GHR: variants seen among roughly 807,000 people sequenced by gnomAD.
GHR encodes growth hormone receptor.
Under a neutral mutation model 67.1 loss-of-function variants are expected in GHR, and 35 were observed. The ratio of observed to expected loss-of-function variants is 0.52; its 90% CI spans 0.40 to 0.69. The LOEUF is 0.69. Ranked by LOEUF, GHR falls within the 30% of genes least tolerant of loss-of-function variation. The pLI, the probability that GHR is intolerant of heterozygous loss-of-function variation, is 0.00. For missense variants in GHR, 792 were observed against 764.6 expected (o/e 1.04, Z -0.42); for synonymous variants, 272 against 269.1 (o/e 1.01, Z -0.10).
At position 42,695,082 on chromosome 5, in the gene GHR, T is replaced by A; in HGVS notation, c.432T>A (p.Asp144Glu). Residue 144 changes from aspartate to glutamate, a missense_variant, in exon 5 of 10, where the codon GAT becomes GAA. By Grantham distance (45) the Asp-to-Glu change is conservative (BLOSUM62 2). Transcript: ENST00000230882. ...TGGATGAAAAGTGTTTCTCTGTTGA[T>A]GAAATAGGTAAATCACAGGTTTTTG... ...GTVDEKCFSV[D>E]EIVQPDPPIA... 1 of 1,605,806 alleles carries A rather than the reference T, an allele frequency of 6.2e-7. No homozygotes were observed. The highest frequency in any genetic ancestry group is 8.5e-7 in the Non-Finnish European group (1 of 1,172,486).
chr5:42,671,753 G>A (rs1437104675), intron 3 of GHR, among the ~76,000 whole-genome samples: 15 of 151,454 alleles, frequency 9.9e-5, no homozygotes, highest in Non-Finnish European at 2.1e-4. Context: ...TCAGGAGATC[G>A]AGACCATCCC....
chr5:42,561,625 C>T (rs566336276), intron 1 of GHR, among the ~76,000 whole-genome samples: 33 of 152,270 alleles, frequency 2.2e-4, no homozygotes, highest in African/African-American at 7.7e-4. Context: ...AGCTGCATTA[C>T]GCTGGTTTTG....
intron 1 of GHR, among the ~76,000 whole-genome samples, chr5:42,436,044 T>C (rs778093096): frequency 1.3e-5 from 2 of 152,216 alleles, no homozygotes; most frequent in Non-Finnish European, 2.9e-5. Flanking sequence ...AATTTGATTT[T>C]GAATGTGTGC....
intron 1 of GHR, among the ~76,000 whole-genome samples, chr5:42,437,529 A>T (rs999685769): frequency 8.1e-5 from 12 of 147,948 alleles, no homozygotes; most frequent in African/African-American, 2.0e-4. Flanking sequence ...TATTATTTTT[A>T]TATTTATTTA....
intron 1 of GHR, among the ~76,000 whole-genome samples, chr5:42,512,595 CAT>C (rs754697183): frequency 1.3e-5 from 2 of 151,476 alleles, no homozygotes; most frequent in African/African-American, 2.4e-5. Flanking sequence ...AAGTGCCTGA[CAT>C]ATATATATAT....
intron 2 of GHR, among the ~76,000 whole-genome samples, chr5:42,567,075 G>T (rs975403901): frequency 6.6e-6 from 1 of 152,166 alleles, no homozygotes; most frequent in Non-Finnish European, 1.5e-5. Context: ...GGAGAGAATT[G>T]CAGGCTCCAT....
At chr5:42,452,535 A>G (rs1161037433) in intron 1 of GHR, among the ~76,000 whole-genome samples, 1 of 152,098 alleles carries the variant, frequency 6.6e-6, no homozygotes, top group Non-Finnish European at 1.5e-5. Context: ...AACACCATTT[A>G]TTCTTAGGTT....
intron 1 of GHR, among the ~76,000 whole-genome samples, chr5:42,543,939 T>G (rs892136535): frequency 3.3e-5 from 5 of 152,068 alleles, no homozygotes; most frequent in African/African-American, 7.2e-5. Context: ...AACCTAATAT[T>G]GCAGTGTTTG....
chr5:42,430,156 T>G (rs748126300), intron 1 of GHR, among the ~76,000 whole-genome samples: 3 of 152,216 alleles, frequency 2.0e-5, no homozygotes, highest in African/African-American at 7.2e-5. Context: ...CTGTTACTCT[T>G]AGCTTACCAA....
intron 1 of GHR, among the ~76,000 whole-genome samples, chr5:42,440,101 T>C (rs182480260): frequency 2.0e-5 from 3 of 152,326 alleles, no homozygotes; most frequent in African/African-American, 7.2e-5. Context: ...ATAAACACAC[T>C]AATTGATTCA....
At chr5:42,664,738 A>T (rs1755860183) in intron 3 of GHR, among the ~76,000 whole-genome samples, 1 of 152,360 alleles carries the variant, frequency 6.6e-6, no homozygotes, top group Non-Finnish European at 1.5e-5. Context: ...GCAAAAATTG[A>T]CAAATGGGGT....
chr5:42,635,794 C>T (rs1167849472), intron 3 of GHR, among the ~76,000 whole-genome samples: 4 of 152,122 alleles, frequency 2.6e-5, no homozygotes, highest in Non-Finnish European at 4.4e-5. Flanking sequence ...GAATGCAGGT[C>T]CCTTCTGGTT....
At chr5:42,654,877 C>T (rs1406758763) in intron 3 of GHR, among the ~76,000 whole-genome samples, 1 of 152,114 alleles carries the variant, frequency 6.6e-6, no homozygotes, top group Non-Finnish European at 1.5e-5. Context: ...TTTGTGCAGA[C>T]TATTGATTGC....
intron 1 of GHR, among the ~76,000 whole-genome samples, chr5:42,558,238 A>G (rs1017003427): frequency 6.6e-6 from 1 of 152,222 alleles, no homozygotes; most frequent in Non-Finnish European, 1.5e-5. Flanking sequence ...CTAAGTCTTT[A>G]GTGAATTTTT....
chr5:42,534,331 T>A (rs1748142729), intron 1 of GHR, among the ~76,000 whole-genome samples: 1 of 141,828 alleles, frequency 7.1e-6, no homozygotes, highest in Non-Finnish European at 1.5e-5. Flanking sequence ...TGTACATGTG[T>A]ATATGTGTAT....
intron 1 of GHR, among the ~76,000 whole-genome samples, chr5:42,477,709 C>G (rs1220460219): frequency 6.6e-6 from 1 of 152,166 alleles, no homozygotes; most frequent in Non-Finnish European, 1.5e-5. Flanking sequence ...TCATATCCCT[C>G]ACCCACTTTT....
intron 1 of GHR, among the ~76,000 whole-genome samples, chr5:42,431,639 T>C (rs1480131589): frequency 6.6e-6 from 1 of 152,232 alleles, no homozygotes; most frequent in Admixed American, 6.5e-5. Flanking sequence ...ATTAGGGCTT[T>C]CTTCTTTTGT....
chr5:42,670,496 C>A (rs957461316), intron 3 of GHR, among the ~76,000 whole-genome samples: 2 of 152,004 alleles, frequency 1.3e-5, no homozygotes, highest in Non-Finnish European at 2.9e-5. Flanking sequence ...AAAGCACAGA[C>A]AACAAAAGCA....
chr5:42,576,024 A>G (rs1486606385), intron 2 of GHR, among the ~76,000 whole-genome samples: 2 of 139,462 alleles, frequency 1.4e-5, no homozygotes, highest in Non-Finnish European at 3.1e-5. Context: ...ACAGAGCAAC[A>G]CTCTGTCTCA....
Sources: gnomAD v4.1 joint callset for allele counts (sites outside exome capture counted in the v4.1 genomes callset) on GRCh38, gnomAD v4.1.1 for gene constraint, MANE v1.5 for transcripts, NCBI Gene and HGNC (gene_info 2026-07-23, HGNC 2026-07-21) for gene names.